SOX5: variants seen among roughly 807,000 people sequenced by gnomAD.
SOX5 encodes SRY-box transcription factor 5, also known as transcription factor SOX-5.
SOX5 carries 9 observed loss-of-function variants against 92.0 expected under a neutral mutation model. The observed-to-expected ratio is 0.10, with a 90% CI of 0.06 to 0.17. The LOEUF (loss-of-function observed/expected upper bound fraction) is 0.17. SOX5 is among the 10% of genes least tolerant of loss of function. SOX5 has a pLI of 1.00. For missense variants in SOX5, 642 were observed against 944.5 expected (o/e 0.68, Z 4.20); for synonymous variants, 344 against 336.3 (o/e 1.02, Z -0.25).
intron 1 of SOX5, among the ~76,000 whole-genome samples, chr12:24,449,423 TC>T (rs2137300466): frequency 6.6e-6 from 1 of 152,328 alleles, no homozygotes; most frequent in East Asian, 1.9e-4. Context: ...CCCATGATCT[TC>T]AAAATATCTA....
chr12:23,600,342 G>GA lies in SOX5; in HGVS notation c.1164+4044dup, dbSNP rs540604378. 1.3e-3 allele frequency among the ~76,000 whole-genome samples: 203 copies of GA among 151,322 alleles called. 1 individual carries two copies. The highest frequency in any genetic ancestry group is 4.5e-3 in the African/African-American group (186 of 41,342). ...AACATATTCGCTTTTGTGGGTCAAT[G>GA]AAAAAAATAGTCCTGGAGTAAGATC... is the stretch of plus-strand genomic sequence containing the variant. On this transcript the variant is annotated intron_variant, in intron 9 of 14. Coordinates refer to ENST00000451604, the MANE Select transcript of SOX5 (RefSeq NM_006940.6).
intron 2 of SOX5, among the ~76,000 whole-genome samples, chr12:24,330,083 G>A (rs574373964): frequency 8.4e-4 from 128 of 151,850 alleles, no homozygotes; most frequent in African/African-American, 2.7e-3. Context: ...ATAGAATTAC[G>A]AATAGAATAT....
At chr12:24,178,615 C>G (rs1955105414) in intron 4 of SOX5, among the ~76,000 whole-genome samples, 1 of 152,068 alleles carries the variant, frequency 6.6e-6, no homozygotes, top group Non-Finnish European at 1.5e-5. Flanking sequence ...ATTATGTAGG[C>G]CAGATTTGGC....
At chr12:24,530,775 A>G (rs1407877090) in intron 1 of SOX5, among the ~76,000 whole-genome samples, 1 of 152,078 alleles carries the variant, frequency 6.6e-6, no homozygotes, top group Non-Finnish European at 1.5e-5. Flanking sequence ...ATAGCACTCA[A>G]CTATTTTATT....
intron 2 of SOX5, among the ~76,000 whole-genome samples, chr12:24,316,791 T>C (rs1230090404): frequency 6.6e-6 from 1 of 152,064 alleles, no homozygotes. Context: ...GGATAGTCTT[T>C]ATTTTATTTT....
chr12:24,259,832 T>C (rs1172486617), intron 3 of SOX5, among the ~76,000 whole-genome samples: 1 of 152,204 alleles, frequency 6.6e-6, no homozygotes, highest in Non-Finnish European at 1.5e-5. Flanking sequence ...TTAGTGTTCA[T>C]CGTGTATATC....
intron 2 of SOX5, among the ~76,000 whole-genome samples, chr12:24,308,376 T>G (rs918327134): frequency 6.6e-6 from 1 of 152,214 alleles, no homozygotes; most frequent in Non-Finnish European, 1.5e-5. Flanking sequence ...GTTGCCCGTT[T>G]GGCCCTCTTC....
At chr12:24,504,613 A>G (rs7295036) in intron 1 of SOX5, among the ~76,000 whole-genome samples, 97,308 of 152,052 alleles carry the variant, frequency 0.64, 31,727 homozygotes, top group East Asian at 0.92. Context: ...CAAAATTGAC[A>G]TCAAGTGCAA....
At chr12:23,785,828 C>A (rs1567743429) in intron 3 of SOX5, among the ~76,000 whole-genome samples, 1 of 152,010 alleles carries the variant, frequency 6.6e-6, no homozygotes. Context: ...TAAGTCCATC[C>A]AAATCTATTT....
chr12:24,497,724 A>G (rs1947788508), intron 1 of SOX5, among the ~76,000 whole-genome samples: 1 of 152,210 alleles, frequency 6.6e-6, no homozygotes, highest in South Asian at 2.1e-4. Flanking sequence ...AATATAAATC[A>G]TTCTCTTATA....
At chr12:24,363,557 C>A (rs1955835267) in intron 2 of SOX5, among the ~76,000 whole-genome samples, 1 of 152,134 alleles carries the variant, frequency 6.6e-6, no homozygotes, top group Admixed American at 6.6e-5. Flanking sequence ...ATTTATGTAT[C>A]ATGTTACTCC....
chr12:24,053,957 G>C (rs1456716027), intron 4 of SOX5, among the ~76,000 whole-genome samples: 1 of 152,180 alleles, frequency 6.6e-6, no homozygotes, highest in Non-Finnish European at 1.5e-5. Context: ...TTAGAGCAGT[G>C]AAGTAATGAA....
At chr12:23,582,998 C>T (rs778533357) in intron 9 of SOX5, among the ~76,000 whole-genome samples, 46 of 152,116 alleles carry the variant, frequency 3.0e-4, no homozygotes, top group Admixed American at 8.5e-4. Context: ...TGAATTAATG[C>T]CTCGATGCTG....
chr12:24,330,280 T>C (rs1951155210), intron 2 of SOX5, among the ~76,000 whole-genome samples: 1 of 152,158 alleles, frequency 6.6e-6, no homozygotes, highest in Admixed American at 6.5e-5. Flanking sequence ...AAAACTTAGG[T>C]TGGCTTAAGA....
At chr12:24,144,837 GA>G (rs780513513) in intron 4 of SOX5, among the ~76,000 whole-genome samples, 1 of 150,362 alleles carries the variant, frequency 6.7e-6, no homozygotes, top group African/African-American at 2.4e-5. Context: ...TCAAAAAAAA[GA>G]AAAAAATAGC....
At chr12:24,271,672 C>A (rs1415625902) in intron 3 of SOX5, among the ~76,000 whole-genome samples, 2 of 152,088 alleles carry the variant, frequency 1.3e-5, no homozygotes, top group African/African-American at 4.8e-5. Context: ...AAGTAGAGAT[C>A]CAATCTTATT....
intron 8 of SOX5, among the ~76,000 whole-genome samples, chr12:23,632,799 A>T (rs2078719375): frequency 6.6e-6 from 1 of 152,134 alleles, no homozygotes; most frequent in Non-Finnish European, 1.5e-5. Context: ...CTCTAACATG[A>T]TCACACATCA....
chr12:23,632,892 T>G (rs985239876), intron 8 of SOX5, among the ~76,000 whole-genome samples: 20 of 152,284 alleles, frequency 1.3e-4, no homozygotes, highest in African/African-American at 4.3e-4. Context: ...GTTTCATTTA[T>G]GACAACTTGG....
chr12:24,109,427 T>A (rs2051690965), intron 4 of SOX5, among the ~76,000 whole-genome samples: 1 of 152,194 alleles, frequency 6.6e-6, no homozygotes, highest in African/African-American at 2.4e-5. Flanking sequence ...TAAAGAATTA[T>A]GCACTTCTAC....
Sources: gnomAD v4.1 joint callset for allele counts (sites outside exome capture counted in the v4.1 genomes callset) on GRCh38, gnomAD v4.1.1 for gene constraint, MANE v1.5 for transcripts, NCBI Gene and HGNC (gene_info 2026-07-23, HGNC 2026-07-21) for gene names.